Variants in PTK2 observed in about 807,000 individuals in gnomAD.
The protein encoded by PTK2 is focal adhesion kinase 1.
Under a neutral mutation model 150.1 loss-of-function variants are expected in PTK2, and 45 were observed. The ratio of observed to expected loss-of-function variants is 0.30; its 90% CI spans 0.24 to 0.38. The LOEUF (loss-of-function observed/expected upper bound fraction) is 0.38. PTK2 is among the 10% of genes least tolerant of loss of function. PTK2 has a pLI of 1.00. For synonymous variants in PTK2, 432 were observed against 449.2 expected (o/e 0.96, Z 0.48); for missense variants, 919 against 1,307.3 (o/e 0.70, Z 4.58).
At position 140,679,789 on chromosome 8, in the gene PTK2, C is replaced by T. The variant is rs538567938; in HGVS notation, c.2563-4290G>A. ...TTAATGTTTACTAACTAGTTCACAT[C>T]CATTTATAATCTACACGGCTTTCTA... On this transcript the variant is annotated intron_variant, in intron 27 of 31. Coordinates refer to ENST00000522684, the Ensembl canonical transcript of PTK2. 5.3e-5 allele frequency among the ~76,000 whole-genome samples: 8 copies of T among 151,976 alleles called. No homozygotes were observed. In the East Asian group the frequency reaches 1.6e-3, roughly 30 times the overall value.
intron 27 of PTK2, among the ~76,000 whole-genome samples, chr8:140,678,927 T>A (rs1356228709): frequency 1.3e-5 from 2 of 151,382 alleles, no homozygotes; most frequent in Non-Finnish European, 2.9e-5. Context: ...CTTTTTTTTT[T>A]AATTTAAAAA....
intron 29 of PTK2, among the ~76,000 whole-genome samples, chr8:140,670,890 C>T (rs1239156957): frequency 6.6e-6 from 1 of 152,192 alleles, no homozygotes; most frequent in East Asian, 1.9e-4. Context: ...CTGTTTAAAG[C>T]TTCTGTTCCT....
chr8:140,936,334 T>C (rs2100173617), intron 1 of PTK2, among the ~76,000 whole-genome samples: 1 of 152,110 alleles, frequency 6.6e-6, no homozygotes, highest in Non-Finnish European at 1.5e-5. Context: ...TATAGATAAA[T>C]CAACGTCATC....
chr8:140,969,563 C>A (rs188337499), intron 1 of PTK2, among the ~76,000 whole-genome samples: 49 of 151,918 alleles, frequency 3.2e-4, no homozygotes, highest in African/African-American at 1.0e-3. Context: ...CCTTCTCTTG[C>A]TTTCCAGGAC....
chr8:140,943,157 C>T (rs77405451), intron 1 of PTK2, among the ~76,000 whole-genome samples: 2,716 of 152,228 alleles, frequency 0.018, 37 homozygotes, highest in Non-Finnish European at 0.023. Flanking sequence ...GCAAGAACAG[C>T]CTAATACAAG....
chr8:140,929,592 A>T (rs75456950), intron 1 of PTK2, among the ~76,000 whole-genome samples: 2,970 of 152,252 alleles, frequency 0.02, 103 homozygotes, highest in African/African-American at 0.067. Flanking sequence ...ACAAGTAAGG[A>T]CTTGTGATAC....
chr8:140,694,109 C>T (rs982438890), intron 26 of PTK2, among the ~76,000 whole-genome samples: 7 of 149,170 alleles, frequency 4.7e-5, no homozygotes, highest in South Asian at 2.1e-4. Context: ...GGCGCGATCT[C>T]GGCTCACTGC....
intron 27 of PTK2, among the ~76,000 whole-genome samples, chr8:140,675,986 A>T (rs941527390): frequency 1.3e-5 from 2 of 152,216 alleles, no homozygotes; most frequent in African/African-American, 4.8e-5. Context: ...TACTCCCAAT[A>T]TCCAAGATAC....
chr8:140,843,591 C>A (rs1277693444), intron 7 of PTK2, among the ~76,000 whole-genome samples: 1 of 152,192 alleles, frequency 6.6e-6, no homozygotes, highest in African/African-American at 2.4e-5. Context: ...AGCCAGGCCA[C>A]TCAACTAGCA....
chr8:140,817,812 G>A (rs1318324070), intron 10 of PTK2, among the ~76,000 whole-genome samples: 1 of 152,172 alleles, frequency 6.6e-6, no homozygotes, highest in Non-Finnish European at 1.5e-5. Flanking sequence ...GTGTGGGGTA[G>A]AAGTGTGAGT....
intron 1 of PTK2, among the ~76,000 whole-genome samples, chr8:140,931,098 AAG>A (rs2100171570): frequency 1.3e-5 from 2 of 151,810 alleles, no homozygotes; most frequent in South Asian, 2.1e-4. Flanking sequence ...GAAAAAGAAA[AAG>A]AGAAAATTAT....
intron 10 of PTK2, among the ~76,000 whole-genome samples, chr8:140,808,733 GTTTT>G (rs57600032): frequency 2.4e-3 from 276 of 116,562 alleles, no homozygotes; most frequent in South Asian, 9.6e-3. Context: ...TTTTGTTCTT[GTTTT>G]TTTTTTTTTT....
chr8:140,903,441 C>T (rs1320357927), intron 2 of PTK2, among the ~76,000 whole-genome samples: 2 of 152,126 alleles, frequency 1.3e-5, no homozygotes, highest in Non-Finnish European at 2.9e-5. Context: ...TAGCATGATG[C>T]CTCTAGCTTT....
chr8:140,744,065 C>CGGTGGCT (rs61649315), intron 19 of PTK2, among the ~76,000 whole-genome samples: 65 of 149,832 alleles, frequency 4.3e-4, no homozygotes, highest in Non-Finnish European at 7.4e-4. Context: ...CTATGAGCCA[C>CGGTGGCT]CGCGCCCGGC....
At chr8:140,719,122 G>C (rs1009339722) in intron 22 of PTK2, among the ~76,000 whole-genome samples, 1 of 152,090 alleles carries the variant, frequency 6.6e-6, no homozygotes, top group Non-Finnish European at 1.5e-5. Context: ...GTTGGGGTGA[G>C]CTGAGATCAC....
intron 16 of PTK2, among the ~76,000 whole-genome samples, chr8:140,755,438 C>A (rs1040450052): frequency 8.5e-5 from 13 of 152,122 alleles, no homozygotes; most frequent in Admixed American, 8.5e-4. Flanking sequence ...GCGGCCACAC[C>A]GTCCTCCTGG....
chr8:140,712,569 G>GA (rs2100037425), intron 23 of PTK2, among the ~76,000 whole-genome samples: 2 of 152,022 alleles, frequency 1.3e-5, no homozygotes, highest in African/African-American at 2.4e-5. Context: ...GAAAAAAGGA[G>GA]AAAAAAATCC....
At chr8:140,744,818 G>A in intron 18 of PTK2, 51 bp from the exon 22 acceptor site, 7 of 1,081,532 alleles carry the variant, frequency 6.5e-6, no homozygotes, top group South Asian at 1.5e-5. Context: ...ATTAGTGGCA[G>A]TGAATCGAAA....
intron 14 of PTK2, among the ~76,000 whole-genome samples, chr8:140,779,911 A>C (rs1396578790): frequency 6.6e-6 from 1 of 152,180 alleles, no homozygotes; most frequent in Non-Finnish European, 1.5e-5. Flanking sequence ...TGTTCCAGCA[A>C]ACAGGTTTCC....
Sources: allele counts gnomAD v4.1 joint callset (sites outside exome capture counted in the v4.1 genomes callset), GRCh38; gene constraint gnomAD v4.1.1; transcripts MANE v1.5; gene names NCBI Gene and HGNC (gene_info 2026-07-23, HGNC 2026-07-21).